Variants in DBF4B observed in about 807,000 individuals in gnomAD.
DBF4B encodes DBF4B-CDC7 kinase regulatory subunit.
Under a neutral mutation model 53.4 loss-of-function variants are expected in DBF4B, and 49 were observed. That is an observed-to-expected ratio of 0.92 (90% CI 0.73 to 1.16). The LOEUF (loss-of-function observed/expected upper bound fraction) is 1.16, where lower values mean the gene tolerates loss of function less well. Among genes scored for constraint, DBF4B ranks in the 50% most tolerant of loss-of-function variants. The pLI, the probability that DBF4B is intolerant of heterozygous loss-of-function variation, is 0.00. For missense variants in DBF4B, 692 were observed against 775.0 expected, an observed-to-expected ratio of 0.89 and a Z score of 1.27; for synonymous variants, 257 against 288.7, an observed-to-expected ratio of 0.89 and a Z score of 1.11.
rs1974904134 is a variant in DBF4B at position 44,732,246 on chromosome 17, G to A, written c.537G>A (p.Val179=). 1.9e-6 allele frequency: 3 copies of A among 1,614,050 alleles called. No homozygotes were observed. The highest frequency in any genetic ancestry group is 1.7e-5 in the Admixed American group (1 of 59,994). ...SLLTNARSWG[V]RILHVDEMMM... is the part of the protein sequence containing the mutation. ...TGACCAATGCCCGCTCTTGGGGAGTGAGGATTCTGCACGTGGATGGTACCC... is the reference window on the plus strand; with the variant it reads ...TGACCAATGCCCGCTCTTGGGGAGTAAGGATTCTGCACGTGGATGGTACCC... Residue 179 remains valine (V), a synonymous_variant, in exon 6 of 14, where the codon GTG becomes GTA. Coordinates refer to ENST00000315005, the MANE Select transcript of DBF4B (RefSeq NM_145663.3).
At chr17:44,741,882 A>T (rs1479127317) in intron 10 of DBF4B, among the ~76,000 whole-genome samples, 1 of 152,162 alleles carries the variant, frequency 6.6e-6, no homozygotes, top group Non-Finnish European at 1.5e-5. Flanking sequence ...ACAGAAGACA[A>T]TAGACCGCTT....
At chr17:44,738,178 C>T (rs547827805) in intron 8 of DBF4B, among the ~76,000 whole-genome samples, 4 of 152,264 alleles carry the variant, frequency 2.6e-5, no homozygotes, top group Admixed American at 2.0e-4. Flanking sequence ...CCTATCCCCC[C>T]ACTGGTGCAA....
intron 2 of DBF4B, among the ~76,000 whole-genome samples, chr17:44,712,301 C>CTTTTTTTTTTTTTTTTT (rs1163777667): frequency 2.8e-5 from 2 of 71,910 alleles, no homozygotes; most frequent in Non-Finnish European, 2.4e-5. Context: ...ATTATGTCTT[C>CTTTTTTTTTTTTTTTTT]TTTTTTTTTT....
chr17:44,729,643 T>C (rs1391251548), intron 3 of DBF4B, among the ~76,000 whole-genome samples: 1 of 150,712 alleles, frequency 6.6e-6, no homozygotes, highest in East Asian at 1.9e-4. Context: ...TGCCACTGGG[T>C]CAGGGGCAGC....
chr17:44,714,538 A>G (rs1973164131), intron 2 of DBF4B, among the ~76,000 whole-genome samples: 1 of 152,008 alleles, frequency 6.6e-6, no homozygotes, highest in Admixed American at 6.6e-5. Context: ...ACCCCTTACT[A>G]ACAGTATGAT....
At position 44,727,432 on chromosome 17, in the gene DBF4B, AAAG is replaced by A. The variant is rs574424966; in HGVS notation, c.226-2470_226-2468del. 1.0e-3 allele frequency among the ~76,000 whole-genome samples: 158 copies of A among 152,248 alleles called. 2 individuals are homozygous for A. Among genetic ancestry groups the A allele is most frequent in the Admixed American group, 2.8e-3 (43 of 15,282 alleles). ...AGACTCTGTCTCAAAAAGAAAAAAA[AAAG>A]AAAACAGCATGATAGTGCTTGACCC... On this transcript the variant is annotated intron_variant, in intron 3 of 13. Transcript: ENST00000315005.
intron 2 of DBF4B, among the ~76,000 whole-genome samples, chr17:44,718,080 C>G (rs1973485679): frequency 6.6e-6 from 1 of 151,986 alleles, no homozygotes; most frequent in Non-Finnish European, 1.5e-5. Context: ...ATTAACTAAT[C>G]TATAGATCTC....
intron 2 of DBF4B, among the ~76,000 whole-genome samples, chr17:44,718,465 C>G (rs189241716): frequency 6.7e-6 from 1 of 149,944 alleles, no homozygotes; most frequent in Non-Finnish European, 1.5e-5. Flanking sequence ...TTAATTATAT[C>G]TCGTTAGTCT....
At chr17:44,710,172 C>CA (rs1239677282) in intron 2 of DBF4B, among the ~76,000 whole-genome samples, 3 of 149,196 alleles carry the variant, frequency 2.0e-5, no homozygotes, top group Non-Finnish European at 4.5e-5. Flanking sequence ...GACTCCGTCT[C>CA]AAAAAAAAGA....
intron 9 of DBF4B, 59 bp downstream of exon 9, chr17:44,738,483 G>T: frequency 6.4e-7 from 1 of 1,565,020 alleles, no homozygotes; most frequent in Non-Finnish European, 8.7e-7. Flanking sequence ...GGAGGGAGGA[G>T]GGAGGGGTGC....
In DBF4B at chr17:44,751,240, T is replaced by G. The variant is rs141931343; in HGVS notation, c.1835T>G (p.Val612Gly). ...QPFLHCGFLA[V>G]DSG ...TTTCTCCATTGCGGCTTCCTGGCTG[T>G]AGACTCAGGTTAGAGGTGAACCCAG... Residue 612 changes from valine (V) to glycine (G), a missense_variant, in exon 14 of 14, where the codon GTA (valine) becomes GGA (glycine). Physicochemically the swap from Val to Gly is moderately radical, Grantham distance 109. Around this residue, in one of 3 missense-constraint regions of DBF4B, gnomAD observed 597 missense variants for 665.8 expected, o/e 0.90. Coordinates refer to ENST00000315005, the MANE Select transcript of DBF4B (RefSeq NM_145663.3). 62 of 1,612,988 alleles carry G rather than the reference T, an allele frequency of 3.8e-5. No homozygotes were observed. In the Middle Eastern group the frequency reaches 8.3e-4, roughly 21 times the overall value.
At chr17:44,708,906 A>C (rs1010137801) in intron 1 of DBF4B, 67 bp downstream of exon 1, 7 of 1,541,986 alleles carry the variant, frequency 4.5e-6, no homozygotes, top group Non-Finnish European at 5.3e-6. Context: ...CGAGGTGCGG[A>C]GTCGTGGAGG....
chr17:44,729,683 T>TACACACAC (rs71361592), intron 3 of DBF4B, among the ~76,000 whole-genome samples: 1,669 of 138,060 alleles, frequency 0.012, 18 homozygotes, highest in Middle Eastern at 0.019. Flanking sequence ...GTAATACACA[T>TACACACAC]ACACACACAC....
chr17:44,741,713 G>A (rs911782122), intron 10 of DBF4B, among the ~76,000 whole-genome samples: 2 of 152,158 alleles, frequency 1.3e-5, no homozygotes, highest in African/African-American at 4.8e-5. Flanking sequence ...CTTAAGGGTC[G>A]AAGAAGACCT....
chr17:44,727,729 C>T (rs796283873), intron 3 of DBF4B, among the ~76,000 whole-genome samples: 1 of 152,122 alleles, frequency 6.6e-6, no homozygotes, highest in East Asian at 1.9e-4. Context: ...CAAAGTTTTG[C>T]TCTTGATGCC....
intron 13 of DBF4B, chr17:44,750,180 C>T: frequency 1.0e-6 from 1 of 1,000,392 alleles, no homozygotes; most frequent in East Asian, 1.1e-4. Context: ...CCCCAAGGAC[C>T]TCCCCCCATT....
chr17:44,742,887 C>A (rs555153255), intron 10 of DBF4B, among the ~76,000 whole-genome samples: 2 of 152,158 alleles, frequency 1.3e-5, no homozygotes, highest in Non-Finnish European at 2.9e-5. Flanking sequence ...CCCTTTCTAA[C>A]CTCTGGGCTG....
chr17:44,736,852 C>G lies in DBF4B; in HGVS notation c.653C>G (p.Ser218Ter). The change falls in exon 8 of 14, where the codon TCA (serine) becomes TGA (stop). Residue 218 changes from serine (S) to a stop codon, truncating the protein, a stop_gained. Transcript: ENST00000315005. LOFTEE classifies it high-confidence loss of function. ...KPEGTCPAAE[S>*]RTRKVARLKA... is the part of the protein sequence containing the mutation. ...TAGGGAACATGTCCAGCAGCAGAGT[C>G]AAGAACACGGAAAGGTCAGTGTGGT... The G allele has an allele frequency of 1.2e-6, 2 of 1,614,098 alleles. No homozygotes were observed. The highest frequency in any genetic ancestry group is 1.7e-6 in the Non-Finnish European group (2 of 1,179,990).
At chr17:44,712,301 CTTTTT>C (rs1163777667) in intron 2 of DBF4B, among the ~76,000 whole-genome samples, 1 of 71,910 alleles carries the variant, frequency 1.4e-5, no homozygotes, top group African/African-American at 5.8e-5. Flanking sequence ...ATTATGTCTT[CTTTTT>C]TTTTTTTTTT....
Sources: gnomAD v4.1 joint callset for allele counts (sites outside exome capture counted in the v4.1 genomes callset) on GRCh38, gnomAD v4.1.1 for gene constraint, gnomAD v4.1.1 regional missense constraint, MANE v1.5 for transcripts, NCBI Gene and HGNC (gene_info 2026-07-23, HGNC 2026-07-21) for gene names.